Variants in NEDD9 observed in about 807,000 individuals in gnomAD.
NEDD9 encodes neural precursor cell expressed, developmentally down-regulated 9, also known as enhancer of filamentation 1.
In NEDD9, 26 loss-of-function variants were observed where a neutral mutation model predicts 76.6. That is an observed-to-expected ratio of 0.34 (90% confidence interval 0.25 to 0.47). NEDD9 has a LOEUF of 0.47. NEDD9 is among the 20% of genes least tolerant of loss of function. NEDD9 has a pLI of 1.00. For missense variants in NEDD9, 937 were observed against 1,058.5 expected, an observed-to-expected ratio of 0.89 and a Z score of 1.59; for synonymous variants, 392 against 414.2, an observed-to-expected ratio of 0.95 and a Z score of 0.65.
At chr6:11,248,004 T>A (rs72827169) in intron 3 of NEDD9, among the ~76,000 whole-genome samples, 18,601 of 152,040 alleles carry the variant, frequency 0.12, 1,207 homozygotes, top group African/African-American at 0.15. Context: ...GCCAGGTATA[T>A]TATCTTCATT....
upstream of NEDD9, among the ~76,000 whole-genome samples, chr6:11,234,368 C>T (rs556182282): frequency 7.2e-5 from 11 of 152,284 alleles, no homozygotes; most frequent in South Asian, 2.3e-3. Context: ...TTGCGGCCTC[C>T]AAGAGATCTA....
exon 3 of NEDD9, chr6:11,306,006 T>G (rs1323819509): frequency 6.2e-7 from 1 of 1,614,010 alleles, no homozygotes; most frequent in Non-Finnish European, 8.5e-7. Flanking sequence ...GTCCACATTT[T>G]GCCCCAAGGA....
chr6:11,346,645 G>A (rs1018216397), intron 1 of NEDD9, among the ~76,000 whole-genome samples: 4 of 152,196 alleles, frequency 2.6e-5, no homozygotes, highest in Non-Finnish European at 5.9e-5. Context: ...GAAGGAGGGG[G>A]CTGGGGAGGA....
At chr6:11,293,206 T>TTTTTTTTTTTA (rs1760817400) in intron 3 of NEDD9, among the ~76,000 whole-genome samples, 1 of 152,134 alleles carries the variant, frequency 6.6e-6, no homozygotes. Context: ...GTTTTTTTTT[T>TTTTTTTTTTTA]TGTTTAAATC....
intron 3 of NEDD9, among the ~76,000 whole-genome samples, chr6:11,299,118 AACAGTAC>A (rs1760975549): frequency 6.6e-6 from 1 of 152,198 alleles, no homozygotes; most frequent in African/African-American, 2.4e-5. Flanking sequence ...TACCTGGAGA[AACAGTAC>A]ACTCCTGACC....
chr6:11,232,237 C>T (rs182506130), intron 1 of NEDD9, among the ~76,000 whole-genome samples: 37 of 152,310 alleles, frequency 2.4e-4, no homozygotes, highest in African/African-American at 5.5e-4. Flanking sequence ...TGTGAAGCGG[C>T]TCCAAGTCTT....
chr6:11,299,397 C>T (rs1201074841), intron 3 of NEDD9, among the ~76,000 whole-genome samples: 2 of 152,260 alleles, frequency 1.3e-5, no homozygotes, highest in East Asian at 3.8e-4. Context: ...AGGCCTACTA[C>T]TTCTACAGAT....
chr6:11,287,755 G>T (rs1176089873), intron 3 of NEDD9, among the ~76,000 whole-genome samples: 1 of 152,136 alleles, frequency 6.6e-6, no homozygotes, highest in East Asian at 1.9e-4. Flanking sequence ...GTTGGAGTTT[G>T]GGGCAGAGAG....
chr6:11,366,315 A>AAGAAAG (rs1762767116), intron 1 of NEDD9, among the ~76,000 whole-genome samples: 1 of 36,554 alleles, frequency 2.7e-5, no homozygotes, highest in African/African-American at 1.0e-4. Context: ...AAGAAAGAGA[A>AAGAAAG]AGAAAGAAAG....
intron 3 of NEDD9, among the ~76,000 whole-genome samples, chr6:11,269,444 G>T (rs370550344): frequency 6.6e-6 from 1 of 152,198 alleles, no homozygotes; most frequent in South Asian, 2.1e-4. Context: ...AGTTGAGATT[G>T]GCAGAGGGGA....
chr6:11,240,094 G>T (rs1372685092), intron 3 of NEDD9, among the ~76,000 whole-genome samples: 1 of 151,638 alleles, frequency 6.6e-6, no homozygotes, highest in Non-Finnish European at 1.5e-5. Flanking sequence ...GAGGTGGAGG[G>T]TAGTGTCTTC....
intron 3 of NEDD9, among the ~76,000 whole-genome samples, chr6:11,265,551 A>C (rs1218376458): frequency 2.0e-5 from 3 of 152,222 alleles, no homozygotes; most frequent in Non-Finnish European, 2.9e-5. Flanking sequence ...TATGACTAGT[A>C]ATATTGGCAG....
chr6:11,359,204 G>C (rs960057787), intron 1 of NEDD9, among the ~76,000 whole-genome samples: 2 of 152,248 alleles, frequency 1.3e-5, no homozygotes, highest in Non-Finnish European at 1.5e-5. Flanking sequence ...CACGTGGGCA[G>C]GGTGGAGAGA....
chr6:11,324,624 C>CATGTGTTTACAGG (rs1761882501), intron 2 of NEDD9, among the ~76,000 whole-genome samples: 1 of 152,218 alleles, frequency 6.6e-6, no homozygotes, highest in Admixed American at 6.5e-5. Flanking sequence ...ATGGAATGAG[C>CATGTGTTTACAGG]AGAAACACAG....
intron 6 of NEDD9, among the ~76,000 whole-genome samples, chr6:11,186,471 G>A (rs1757983974): frequency 6.6e-6 from 1 of 152,126 alleles, no homozygotes; most frequent in Non-Finnish European, 1.5e-5. Context: ...AGACTCAAGA[G>A]AGACCTCTCT....
chr6:11,260,894 CTGTGTGTG>C (rs34568873), intron 3 of NEDD9, among the ~76,000 whole-genome samples: 70 of 148,912 alleles, frequency 4.7e-4, no homozygotes, highest in African/African-American at 1.6e-3. Flanking sequence ...GTGTGTGAGC[CTGTGTGTG>C]TGTGTGTGTG....
chr6:11,319,468 ACT>A lies in NEDD9; in HGVS notation c.-152-13315_-152-13314del, dbSNP rs374614588. ...AACATGTACACACACACTGGTACAC[ACT>A]CACACTAACAAGCAAATAATCACAC... On this transcript the variant is annotated intron_variant, in intron 2 of 3. Coordinates refer to the NEDD9 transcript ENST00000397378. Among the ~76,000 whole-genome samples the A allele has an allele frequency of 3.7e-3, 557 of 151,504 alleles. 2 individuals carry two copies. Among genetic ancestry groups the A allele is most frequent in the South Asian group, 0.015 (71 of 4,776 alleles).
intron 2 of NEDD9, among the ~76,000 whole-genome samples, chr6:11,324,406 C>T (rs769540001): frequency 1.3e-5 from 2 of 152,118 alleles, no homozygotes; most frequent in African/African-American, 2.4e-5. Context: ...GTGCACCGCC[C>T]GATCCCCTGG....
intron 1 of NEDD9, among the ~76,000 whole-genome samples, chr6:11,366,869 A>T (rs1762780767): frequency 1.3e-5 from 2 of 152,218 alleles, no homozygotes; most frequent in South Asian, 2.1e-4. Context: ...TACAATAAAC[A>T]TGCCCCAGGA....
Sources: gnomAD v4.1 joint callset for allele counts (sites outside exome capture counted in the v4.1 genomes callset) on GRCh38, gnomAD v4.1.1 for gene constraint, MANE v1.5 for transcripts, NCBI Gene and HGNC (gene_info 2026-07-23, HGNC 2026-07-21) for gene names.